Variants in RHOT1 observed in about 807,000 individuals in gnomAD.
The protein encoded by RHOT1 is mitochondrial Rho GTPase 1.
In RHOT1, 27 loss-of-function variants were observed where a neutral mutation model predicts 95.3. The ratio of observed to expected loss-of-function variants is 0.28; its 90% confidence interval spans 0.21 to 0.39. The LOEUF is 0.39. RHOT1 is among the 10% of genes least tolerant of loss of function. The pLI is 1.00. For missense variants in RHOT1, 578 were observed against 786.7 expected (o/e 0.73, Z 3.17); for synonymous variants, 227 against 263.5 (o/e 0.86, Z 1.34).
At chr17:32,206,192 C>CTTTTTTTTTTTTTTTTT (rs71144812) in intron 16 of RHOT1, among the ~76,000 whole-genome samples, 1 of 60,518 alleles carries the variant, frequency 1.7e-5, no homozygotes, top group African/African-American at 7.7e-5. Context: ...TCCATAGAAT[C>CTTTTTTTTTTTTTTTTT]TTTTTTTTTT....
intron 6 of RHOT1, among the ~76,000 whole-genome samples, chr17:32,176,532 A>G (rs933666085): frequency 6.6e-6 from 1 of 151,182 alleles, no homozygotes; most frequent in Non-Finnish European, 1.5e-5. Flanking sequence ...TGCTGCTTGA[A>G]AAGTCTCAGT....
At chr17:32,217,474 C>T (rs79083408) in intron 19 of RHOT1, among the ~76,000 whole-genome samples, 314 of 152,126 alleles carry the variant, frequency 2.1e-3, no homozygotes, top group African/African-American at 6.9e-3. Flanking sequence ...ACAGAAAATA[C>T]AGCCAGGCGC....
At chr17:32,214,411 A>G (rs1301329991) in intron 19 of RHOT1, among the ~76,000 whole-genome samples, 1 of 152,204 alleles carries the variant, frequency 6.6e-6, no homozygotes, top group African/African-American at 2.4e-5. Context: ...GAGATTAGCA[A>G]TTAATTAACA....
intron 1 of RHOT1, among the ~76,000 whole-genome samples, chr17:32,156,474 T>G (rs2032976158): frequency 6.6e-6 from 1 of 152,196 alleles, no homozygotes; most frequent in Non-Finnish European, 1.5e-5. Context: ...TCTCACTGTG[T>G]TGCCCAGGCT....
intron 1 of RHOT1, among the ~76,000 whole-genome samples, chr17:32,152,598 A>G (rs1439052846): frequency 6.6e-6 from 1 of 152,030 alleles, no homozygotes; most frequent in Non-Finnish European, 1.5e-5. Context: ...TCTGAAAAAA[A>G]AAAGAGAGAG....
Position 32,173,884 on chromosome 17 carries a change from A to G in RHOT1, c.150A>G (p.Arg50=), listed in dbSNP as rs1371078923. The change falls in exon 3 of 20, where the codon AGA becomes AGG. Residue 50 remains arginine (R), a synonymous_variant. Coordinates refer to ENST00000545287, the MANE Select transcript of RHOT1 (RefSeq NM_001033566.3). ...ITIPADVTPE[R]VPTHIVDYSE... Reference sequence around the variant, plus strand: ...TTCCAGCTGATGTCACCCCAGAGAGAGTTCCAACACACATTGTAGATTACT... The same window carrying G: ...TTCCAGCTGATGTCACCCCAGAGAGGGTTCCAACACACATTGTAGATTACT... 2 of 1,611,452 alleles carry G rather than the reference A, an allele frequency of 1.2e-6. No homozygotes were observed. The highest frequency in any genetic ancestry group is 2.2e-5 in the East Asian group (1 of 44,838).
chr17:32,183,285 G>GTTTA lies in RHOT1; in HGVS notation c.540+15_540+18dup. The GTTTA allele has an allele frequency of 7.2e-7, 1 of 1,389,050 alleles. No homozygotes were observed. The highest frequency in any genetic ancestry group is 9.5e-7 in the Non-Finnish European group (1 of 1,048,690). The allele number at this position is 1,389,050 out of a possible 1,614,324, so 86.0% of individuals were successfully genotyped here. On this transcript the variant is annotated intron_variant, in intron 8 of 19. Transcript: ENST00000545287. The stretch of plus-strand genomic sequence containing the variant: ...AGAGGAGAAGGAGGTAACAGGCTGT[G>GTTTA]TTTATAGGGGCTGGAATGTGTATGT...
chr17:32,155,571 C>T (rs62062443), intron 1 of RHOT1, among the ~76,000 whole-genome samples: 6,604 of 148,150 alleles, frequency 0.045, 208 homozygotes, highest in Non-Finnish European at 0.068. Context: ...GAGACAAGGT[C>T]TCACTCTGTT....
At chr17:32,204,180 A>C (rs1472309449) in intron 16 of RHOT1, among the ~76,000 whole-genome samples, 1 of 152,144 alleles carries the variant, frequency 6.6e-6, no homozygotes, top group East Asian at 1.9e-4. Flanking sequence ...CAGCCTCCCA[A>C]GGAGCTGGGA....
At chr17:32,208,524 T>G in intron 18 of RHOT1, 2 of 545,720 alleles carry the variant, frequency 3.7e-6, no homozygotes, top group South Asian at 4.2e-5. Flanking sequence ...TGTATATTTT[T>G]GAGCAGGCTG....
Position 32,215,538 on chromosome 17 carries a change from T to A in RHOT1, c.1862+4300T>A, listed in dbSNP as rs867197116. Among the ~76,000 whole-genome samples the A allele has an allele frequency of 7.2e-3, 1,086 of 150,228 alleles. 18 individuals are homozygous for A. The highest frequency in any genetic ancestry group is 0.025 in the African/African-American group (1,021 of 40,962). On this transcript the variant is annotated intron_variant, in intron 19 of 19. Coordinates refer to ENST00000545287, the MANE Select transcript of RHOT1 (RefSeq NM_001033566.3). ...AAATATTATTTCTCTAAGAAAAACATTTTTTAACTTTGGTTATATTTTCAG... is the reference window on the plus strand; with the variant it reads ...AAATATTATTTCTCTAAGAAAAACAATTTTTAACTTTGGTTATATTTTCAG...
chr17:32,178,011 G>T (rs2035161076), intron 6 of RHOT1, among the ~76,000 whole-genome samples: 1 of 151,510 alleles, frequency 6.6e-6, no homozygotes, highest in Non-Finnish European at 1.5e-5. Flanking sequence ...TTTTAGTAGA[G>T]ACGGGGTTTC....
At chr17:32,202,480 T>A (rs1208380082) in intron 14 of RHOT1, among the ~76,000 whole-genome samples, 5 of 152,224 alleles carry the variant, frequency 3.3e-5, no homozygotes, top group African/African-American at 1.2e-4. Flanking sequence ...TTATAGGATA[T>A]TTTCCTTATG....
chr17:32,171,917 G>T (rs561055369), intron 2 of RHOT1, among the ~76,000 whole-genome samples: 1 of 152,312 alleles, frequency 6.6e-6, no homozygotes, highest in African/African-American at 2.4e-5. Flanking sequence ...TAGTAAGGTG[G>T]TTTTATTATT....
At chr17:32,197,905 G>C (rs2037024779) in intron 11 of RHOT1, among the ~76,000 whole-genome samples, 1 of 150,856 alleles carries the variant, frequency 6.6e-6, no homozygotes. Context: ...TTTTATGTTT[G>C]TTTGTTTGAG....
chr17:32,200,228 A>G lies in RHOT1; in HGVS notation c.1100+678A>G, dbSNP rs533411323. Among the ~76,000 whole-genome samples, 16 of 151,624 alleles carry G rather than the reference A, an allele frequency of 1.1e-4. No individual in the cohort carries two copies. In the South Asian group the frequency reaches 3.3e-3, roughly 31 times the overall value. On this transcript the variant is annotated intron_variant, in intron 13 of 19. Coordinates refer to ENST00000545287, the MANE Select transcript of RHOT1 (RefSeq NM_001033566.3). ...CATTTTTGGGTTTTTTTCTACTATC[A>G]CTAGTATTCTGGTGAGGTCTGTTGT... is the stretch of plus-strand genomic sequence containing the variant.
At chr17:32,148,003 C>T (rs2031640570) in intron 1 of RHOT1, among the ~76,000 whole-genome samples, 1 of 152,062 alleles carries the variant, frequency 6.6e-6, no homozygotes, top group Admixed American at 6.6e-5. Flanking sequence ...CAGTGGCTCA[C>T]GCCTGTAATC....
At chr17:32,175,140 CT>C (rs1225323391) in intron 3 of RHOT1, among the ~76,000 whole-genome samples, 178 bp from the exon 4 acceptor site, 1 of 152,216 alleles carries the variant, frequency 6.6e-6, no homozygotes, top group Non-Finnish European at 1.5e-5. Context: ...ATAGACTCGT[CT>C]TTCAGGGCCA....
chr17:32,207,147 C>G, intron 17 of RHOT1, 118 bp downstream of exon 17: 2 of 954,418 alleles, frequency 2.1e-6, no homozygotes, highest in Admixed American at 5.0e-5. Context: ...TTTAAAAATA[C>G]ATACATCTTT....
Sources: gnomAD v4.1 joint callset for allele counts (sites outside exome capture counted in the v4.1 genomes callset) on GRCh38, gnomAD v4.1.1 for gene constraint, MANE v1.5 for transcripts, NCBI Gene and HGNC (gene_info 2026-07-23, HGNC 2026-07-21) for gene names.